The following MYO16 variants were observed in gnomAD, a reference collection of about 807,000 sequenced individuals.
MYO16 encodes myosin XVI, also known as unconventional myosin-XVI.
Under a neutral mutation model 205.3 loss-of-function variants are expected in MYO16, and 94 were observed. The ratio of observed to expected loss-of-function variants is 0.46; its 90% CI spans 0.39 to 0.54. The LOEUF (loss-of-function observed/expected upper bound fraction) is 0.54, where lower values mean the gene tolerates loss of function less well. Among genes scored for constraint, MYO16 ranks in the 20% least tolerant of loss-of-function variants. The probability of loss-of-function intolerance (pLI) is 0.00; values close to 1 mark genes in which losing one functional copy is unlikely to be tolerated. For synonymous variants in MYO16, 988 were observed against 954.0 expected, an observed-to-expected ratio of 1.04 and a Z score of -0.66; for missense variants, 2,315 against 2,387.5, an observed-to-expected ratio of 0.97 and a Z score of 0.63.
intron 27 of MYO16, among the ~76,000 whole-genome samples, chr13:109,072,682 G>A (rs1425992383): frequency 2.0e-5 from 3 of 151,960 alleles, no homozygotes; most frequent in Non-Finnish European, 4.4e-5. Context: ...CTGCTCACTA[G>A]ACATACCAGG....
chr13:108,501,809 C>T, the MYO16 span, among the ~76,000 whole-genome samples: 2 of 152,320 alleles, frequency 1.3e-5, no homozygotes, highest in Non-Finnish European at 1.5e-5. Flanking sequence ...AACGTATTTA[C>T]TCTTTGGCCT....
At chr13:109,066,708 A>G (rs1011622330) in intron 27 of MYO16, among the ~76,000 whole-genome samples, 25 of 152,268 alleles carry the variant, frequency 1.6e-4, no homozygotes, top group Admixed American at 3.9e-4. Flanking sequence ...CAGCTGCTCA[A>G]CTGGGCCTCT....
chr13:108,823,229 G>C lies in MYO16; in HGVS notation c.1048G>C (p.Glu350Gln). ...PLSASTLAQEEPYEEIIHDLP... is the reference protein window; with the variant it reads ...PLSASTLAQEQPYEEIIHDLP... Reference sequence around the variant, plus strand: ...ATCTGCTTCTACCTTAGCTCAAGAAGAGCCCTATGAAGAGATCATTCACGA... The same window carrying C: ...ATCTGCTTCTACCTTAGCTCAAGAACAGCCCTATGAAGAGATCATTCACGA... The change falls in exon 9 of 35, where the codon GAG (glutamate) becomes CAG (glutamine). Residue 350 changes from glutamate (E) to glutamine (Q), a missense_variant. By Grantham distance (29) the Glu-to-Gln change is conservative. Around this residue, in one of 3 missense-constraint regions of MYO16, gnomAD observed 1,213 missense variants for 1,274.4 expected, o/e 0.95. Transcript: ENST00000457511. 6.2e-7 allele frequency: 1 copy of C among 1,613,230 alleles called. No individual in the cohort carries two copies. The highest frequency in any genetic ancestry group is 8.5e-7 in the Non-Finnish European group (1 of 1,179,460).
the MYO16 span, among the ~76,000 whole-genome samples, chr13:108,521,527 G>T: frequency 1.3e-5 from 2 of 152,202 alleles, no homozygotes; most frequent in Admixed American, 6.5e-5. Flanking sequence ...TAATTCTTTT[G>T]ATCTCAAACA....
chr13:108,693,232 C>T (rs968846975), intron 2 of MYO16, among the ~76,000 whole-genome samples: 2 of 152,094 alleles, frequency 1.3e-5, no homozygotes, highest in Non-Finnish European at 2.9e-5. Context: ...TGGTAAAAGA[C>T]ACCTAACATA....
At chr13:108,571,718 T>G in the MYO16 span, among the ~76,000 whole-genome samples, 42 of 151,412 alleles carry the variant, frequency 2.8e-4, no homozygotes, top group African/African-American at 9.7e-4. Context: ...TATGTGTGTG[T>G]GTGTCTGAAT....
chr13:108,957,673 C>CT lies in MYO16; in HGVS notation c.1926-13dup, dbSNP rs920763974. 5 of 1,578,170 alleles carry CT rather than the reference C, an allele frequency of 3.2e-6. No individual in the cohort carries two copies. The African/African-American group carries it at 6.7e-5, about 21-fold the overall frequency. On this transcript the variant is annotated splice_polypyrimidine_tract_variant and intron_variant, in intron 16 of 34. Coordinates refer to ENST00000457511, the MANE Select transcript of MYO16 (RefSeq NM_001198950.3). ...GAAGCCAGGCGATAACGTTACGTGC[C>CT]TTGTCTCCTAACAGGTATTTGAACC...
At chr13:108,717,146 TTTG>T (rs1279345300) in intron 3 of MYO16, among the ~76,000 whole-genome samples, 1 of 152,200 alleles carries the variant, frequency 6.6e-6, no homozygotes, top group Non-Finnish European at 1.5e-5. Context: ...TGTCCAGGGT[TTTG>T]TTATTACCTT....
At chr13:108,733,810 A>C (rs1382830098) in intron 4 of MYO16, among the ~76,000 whole-genome samples, 2 of 152,152 alleles carry the variant, frequency 1.3e-5, no homozygotes, top group Non-Finnish European at 2.9e-5. Context: ...TCTACTAAAA[A>C]TACGAAAAAT....
At chr13:108,807,745 G>T (rs569933420) in intron 7 of MYO16, among the ~76,000 whole-genome samples, 121 of 152,244 alleles carry the variant, frequency 7.9e-4, no homozygotes, top group South Asian at 7.9e-3. Context: ...GCTCTTCCCA[G>T]GGTTATTGTC....
At chr13:108,825,166 G>C (rs984827264) in intron 9 of MYO16, among the ~76,000 whole-genome samples, 1 of 151,974 alleles carries the variant, frequency 6.6e-6, no homozygotes, top group Non-Finnish European at 1.5e-5. Context: ...CAGCAAATCA[G>C]GTTGAGCCAC....
At chr13:108,648,493 C>T (rs1566527445) in intron 1 of MYO16, among the ~76,000 whole-genome samples, 10 of 152,132 alleles carry the variant, frequency 6.6e-5, no homozygotes, top group Non-Finnish European at 1.5e-5. Flanking sequence ...AATTGTTGTT[C>T]TCATTATAAG....
At chr13:108,496,243 C>G in the MYO16 span, among the ~76,000 whole-genome samples, 1 of 152,320 alleles carries the variant, frequency 6.6e-6, no homozygotes, top group Non-Finnish European at 1.5e-5. Context: ...TCTGGACCTA[C>G]CCCAGAAGGA....
the MYO16 span, among the ~76,000 whole-genome samples, chr13:108,537,027 CA>C: frequency 6.6e-6 from 1 of 152,074 alleles, no homozygotes; most frequent in African/African-American, 2.4e-5. Context: ...TACATGGATA[CA>C]TTGGAAAATG....
chr13:108,784,933 C>A (rs554509026), intron 4 of MYO16, among the ~76,000 whole-genome samples: 19 of 152,166 alleles, frequency 1.2e-4, no homozygotes, highest in Non-Finnish European at 2.2e-4. Flanking sequence ...GCAAGCAAAT[C>A]TACCATTGTA....
chr13:108,635,381 A>T (rs1880176428), intron 1 of MYO16, among the ~76,000 whole-genome samples: 1 of 152,144 alleles, frequency 6.6e-6, no homozygotes, highest in Non-Finnish European at 1.5e-5. Context: ...AAATTTCTTC[A>T]TATGTGTTTT....
chr13:109,066,159 G>T (rs1887741626), intron 27 of MYO16, among the ~76,000 whole-genome samples: 1 of 152,188 alleles, frequency 6.6e-6, no homozygotes, highest in Non-Finnish European at 1.5e-5. Context: ...CCATCTATTG[G>T]ATTAAAGCTA....
At chr13:108,885,891 C>G (rs1879846764) in intron 13 of MYO16, among the ~76,000 whole-genome samples, 2 of 152,140 alleles carry the variant, frequency 1.3e-5, no homozygotes, top group African/African-American at 4.8e-5. Flanking sequence ...ATGAAGAACC[C>G]CGTTTATCTT....
At chr13:108,664,024 T>C (rs1881616406) in intron 1 of MYO16, among the ~76,000 whole-genome samples, 1 of 152,210 alleles carries the variant, frequency 6.6e-6, no homozygotes, top group Admixed American at 6.5e-5. Flanking sequence ...CTGGCAGTGA[T>C]CATAGCTTTT....
Sources: gnomAD v4.1 joint callset for allele counts (sites outside exome capture counted in the v4.1 genomes callset) on GRCh38, gnomAD v4.1.1 for gene constraint, gnomAD v4.1.1 regional missense constraint, MANE v1.5 for transcripts, NCBI Gene and HGNC (gene_info 2026-07-23, HGNC 2026-07-21) for gene names.